The following PTPRD variants were observed in gnomAD, a reference collection of about 807,000 sequenced individuals.
PTPRD encodes the protein receptor-type tyrosine-protein phosphatase delta.
PTPRD carries 34 observed loss-of-function variants against 214.5 expected under a neutral mutation model. The observed-to-expected ratio is 0.16, with a 90% CI of 0.12 to 0.21. The LOEUF (loss-of-function observed/expected upper bound fraction) is 0.21. Among genes scored for constraint, PTPRD ranks in the 10% least tolerant of loss-of-function variants. PTPRD has a pLI of 1.00. For synonymous variants in PTPRD, 1,128 were observed against 845.7 expected, an observed-to-expected ratio of 1.33 and a Z score of -5.79; for missense variants, 2,545 against 2,398.7, an observed-to-expected ratio of 1.06 and a Z score of -1.27.
intron 11 of PTPRD, among the ~76,000 whole-genome samples, chr9:8,745,779 G>T (rs1180073574): frequency 1.6e-5 from 2 of 126,706 alleles, no homozygotes; most frequent in African/African-American, 6.1e-5. Flanking sequence ...TCTATTTTAT[G>T]GAGTTTCTCT....
intron 8 of PTPRD, among the ~76,000 whole-genome samples, chr9:9,506,070 A>G (rs533048512): frequency 1.5e-4 from 23 of 151,668 alleles, no homozygotes; most frequent in African/African-American, 5.5e-4. Context: ...TAAACTCAAC[A>G]TTCAAATGTC....
chr9:9,209,462 G>C (rs148829362), intron 9 of PTPRD, among the ~76,000 whole-genome samples: 1 of 152,250 alleles, frequency 6.6e-6, no homozygotes, highest in East Asian at 1.9e-4. Context: ...ATTAGAGATG[G>C]ACCAGTATTT....
At chr9:8,519,294 T>C (rs2097846439) in intron 20 of PTPRD, among the ~76,000 whole-genome samples, 1 of 152,178 alleles carries the variant, frequency 6.6e-6, no homozygotes, top group Non-Finnish European at 1.5e-5. Context: ...AATCCATCTT[T>C]TTAGAGGTCT....
At chr9:10,540,375 G>C (rs1267064033) in intron 2 of PTPRD, among the ~76,000 whole-genome samples, 2 of 152,072 alleles carry the variant, frequency 1.3e-5, no homozygotes, top group African/African-American at 4.8e-5. Flanking sequence ...AGAAATTCTG[G>C]GTTATCAGTC....
intron 5 of PTPRD, among the ~76,000 whole-genome samples, chr9:9,818,935 A>T (rs1598697734): frequency 6.6e-6 from 1 of 151,372 alleles, no homozygotes; most frequent in East Asian, 1.9e-4. Context: ...AAAAAAAAAA[A>T]AAAGTTCGTA....
chr9:10,049,407 AAAAGAAAG>A (rs1165910757), intron 3 of PTPRD, among the ~76,000 whole-genome samples: 337 of 115,728 alleles, frequency 2.9e-3, no homozygotes, highest in African/African-American at 7.9e-3. Context: ...TTAAAAAAAA[AAAAGAAAG>A]AAAGAAAGAA....
intron 7 of PTPRD, among the ~76,000 whole-genome samples, chr9:9,683,786 A>G (rs961202519): frequency 6.6e-6 from 1 of 151,794 alleles, no homozygotes; most frequent in African/African-American, 2.4e-5. Flanking sequence ...TATGTAATGT[A>G]TAATTTTATA....
At chr9:8,925,492 C>T (rs963855573) in intron 11 of PTPRD, among the ~76,000 whole-genome samples, 4 of 150,966 alleles carry the variant, frequency 2.6e-5, no homozygotes, top group Non-Finnish European at 4.4e-5. Flanking sequence ...TTTCAATTCC[C>T]CGAAACAGAA....
chr9:9,254,875 A>G (rs1056082294), intron 9 of PTPRD, among the ~76,000 whole-genome samples: 1 of 152,054 alleles, frequency 6.6e-6, no homozygotes, highest in Admixed American at 6.6e-5. Context: ...GGAGAATACA[A>G]TTTCCACACT....
chr9:9,020,365 T>A (rs1465830625), intron 10 of PTPRD, among the ~76,000 whole-genome samples: 1 of 152,126 alleles, frequency 6.6e-6, no homozygotes, highest in Non-Finnish European at 1.5e-5. Flanking sequence ...GATGACTAGA[T>A]GGAGGAGACA....
intron 9 of PTPRD, among the ~76,000 whole-genome samples, chr9:9,214,328 A>G (rs2099950756): frequency 6.6e-6 from 1 of 152,232 alleles, no homozygotes; most frequent in African/African-American, 2.4e-5. Flanking sequence ...TAGCAAATGC[A>G]AAAACAAATT....
At position 8,484,328 on chromosome 9, in the gene PTPRD, T is replaced by C. The variant is rs1407810659; in HGVS notation, c.3204A>G (p.Thr1068=). ...GCTTCAGGTTGACAATTAACTTCTG[T>C]GTGGCTCGGCCATCCACTTCTTCTA... ...KMVEEVDGRA[T]QKLIVNLKPE... is the part of the protein sequence containing the mutation. The change falls in exon 30 of 46, where the codon ACA becomes ACG. Residue 1068 remains threonine, a synonymous_variant. Transcript: ENST00000381196. The C allele has an allele frequency of 1.2e-6, 2 of 1,614,086 alleles. No individual in the cohort carries two copies. The highest frequency in any genetic ancestry group is 1.7e-5 in the Admixed American group (1 of 60,002).
intron 35 of PTPRD, among the ~76,000 whole-genome samples, chr9:8,414,820 C>T (rs1389673442): frequency 6.8e-6 from 1 of 147,436 alleles, no homozygotes; most frequent in African/African-American, 2.5e-5. Flanking sequence ...GTGTCATAAC[C>T]ATCAGTCAGG....
At chr9:9,476,565 C>T (rs565702824) in intron 8 of PTPRD, among the ~76,000 whole-genome samples, 1 of 152,042 alleles carries the variant, frequency 6.6e-6, no homozygotes, top group Non-Finnish European at 1.5e-5. Context: ...ACCAGAACAT[C>T]TTTATGTTTG....
chr9:8,518,990 G>A (rs2097841425), intron 20 of PTPRD, among the ~76,000 whole-genome samples: 1 of 152,068 alleles, frequency 6.6e-6, no homozygotes, highest in South Asian at 2.1e-4. Flanking sequence ...ACAAAATGTG[G>A]AATACATTGA....
intron 12 of PTPRD, among the ~76,000 whole-genome samples, chr9:8,676,709 G>T (rs1312685120): frequency 3.3e-5 from 5 of 152,172 alleles, no homozygotes; most frequent in African/African-American, 1.2e-4. Flanking sequence ...GAGTAGCTGG[G>T]ATTACAGGCA....
chr9:9,711,952 C>T (rs1297194751), intron 7 of PTPRD, among the ~76,000 whole-genome samples: 2 of 152,144 alleles, frequency 1.3e-5, no homozygotes, highest in Non-Finnish European at 2.9e-5. Flanking sequence ...CAGCATCTCC[C>T]TGGGCACAAA....
intron 9 of PTPRD, among the ~76,000 whole-genome samples, chr9:9,265,425 T>TG (rs1370422531): frequency 6.6e-6 from 1 of 151,508 alleles, no homozygotes; most frequent in Non-Finnish European, 1.5e-5. Context: ...AGCGTTTTTT[T>TG]GTTTTTGTTT....
chr9:8,363,763 G>A (rs1182248056), intron 39 of PTPRD, among the ~76,000 whole-genome samples: 10 of 152,164 alleles, frequency 6.6e-5, no homozygotes, highest in Non-Finnish European at 4.4e-5. Flanking sequence ...AGAGTTTGAA[G>A]ACAGACAGCC....
Sources: gnomAD v4.1 joint callset for allele counts (sites outside exome capture counted in the v4.1 genomes callset) on GRCh38, gnomAD v4.1.1 for gene constraint, MANE v1.5 for transcripts, NCBI Gene and HGNC (gene_info 2026-07-23, HGNC 2026-07-21) for gene names.